SNTA1: variants seen among roughly 807,000 people sequenced by gnomAD.
SNTA1 encodes alpha-1-syntrophin.
In SNTA1, 31 loss-of-function variants were observed where a neutral mutation model predicts 47.1. That is an observed-to-expected ratio of 0.66 (90% confidence interval 0.49 to 0.89). The LOEUF is 0.89. SNTA1 is among the 40% of genes least tolerant of loss of function. The pLI is 0.00. For missense variants in SNTA1, 575 were observed against 693.0 expected (o/e 0.83, Z 1.91); for synonymous variants, 300 against 313.6 (o/e 0.96, Z 0.46).
intron 3 of SNTA1, among the ~76,000 whole-genome samples, chr20:33,415,193 G>T (rs373403203): frequency 6.6e-6 from 1 of 152,138 alleles, no homozygotes; most frequent in African/African-American, 2.4e-5. Flanking sequence ...ACTCATACAT[G>T]CAAATGCTCT....
In SNTA1 at chr20:33,443,670, C is replaced by T. The variant is rs1245139819; in HGVS notation, c.-50G>A. On this transcript the variant is annotated 5_prime_UTR_variant, in exon 1 of 8. Transcript: ENST00000217381. Reference sequence around the variant, plus strand: ...CCGCGCTCGCCCTGTCCCGCTTTGCCCAGCCCGCTCCGACCAAGCGCCCAG... The same window carrying T: ...CCGCGCTCGCCCTGTCCCGCTTTGCTCAGCCCGCTCCGACCAAGCGCCCAG... 5 of 1,113,674 alleles carry T rather than the reference C, an allele frequency of 4.5e-6. No individual in the cohort carries two copies. The highest frequency in any genetic ancestry group is 5.5e-6 in the Non-Finnish European group (5 of 904,290). 69.0% of individuals were successfully genotyped at this position (1,113,674 alleles called of 1,614,324 possible).
chr20:33,430,358 A>T (rs1990275316), intron 2 of SNTA1, among the ~76,000 whole-genome samples: 1 of 136,816 alleles, frequency 7.3e-6, no homozygotes, highest in Non-Finnish European at 1.5e-5. Flanking sequence ...GCGTGATCTC[A>T]GCTCACTGCA....
chr20:33,438,993 G>T lies in SNTA1; in HGVS notation c.344C>A (p.Ser115Tyr), dbSNP rs1359697782. 1.9e-6 allele frequency: 3 copies of T among 1,614,082 alleles called. No individual in the cohort carries two copies. In the Admixed American group the frequency reaches 5.0e-5, roughly 27 times the overall value. ...GRENKMPILI[S>Y]KIFKGLAADQ... ...AGCTGCCAATCCCTTGAAGATCTTG[G>T]AAATGAGAATAGGCATCTTGTTCTC... Residue 115 changes from serine to tyrosine, a missense_variant, in exon 2 of 8, where the codon TCC becomes TAC. Physicochemically the swap from Ser to Tyr is moderately radical, Grantham distance 144. Coordinates refer to ENST00000217381, the MANE Select transcript of SNTA1 (RefSeq NM_003098.3).
chr20:33,434,982 CTTTTTTTTTTT>C (rs11475592), intron 2 of SNTA1, among the ~76,000 whole-genome samples: 2 of 55,186 alleles, frequency 3.6e-5, no homozygotes, highest in East Asian at 5.8e-4. Flanking sequence ...CAGGCACCAG[CTTTTTTTTTTT>C]TTTTTTTTTT....
At chr20:33,411,945 G>A (rs1989749033) in intron 5 of SNTA1, among the ~76,000 whole-genome samples, 1 of 152,140 alleles carries the variant, frequency 6.6e-6, no homozygotes, top group Non-Finnish European at 1.5e-5. Context: ...AGAGTTAAGT[G>A]GCTCCTACAA....
rs758862568 is a variant in SNTA1, at chr20:33,417,777, T to G, written c.643A>C (p.Met215Leu). 2 of 1,614,088 alleles carry G rather than the reference T, an allele frequency of 1.2e-6. No individual in the cohort carries two copies. The highest frequency in any genetic ancestry group is 8.5e-7 in the Non-Finnish European group (1 of 1,180,012). ...TPRNFSEAKH[M>L]SLKMAYVSKR... The stretch of plus-strand genomic sequence containing the variant: ...GAGACATATGCCATCTTCAAGGACA[T>G]GTGTTTGGCCTCGCTGAAGTTCCGG... Residue 215 changes from methionine to leucine, a missense_variant, in exon 3 of 8, where the codon ATG becomes CTG. Transcript: ENST00000217381.
intron 2 of SNTA1, among the ~76,000 whole-genome samples, chr20:33,431,772 AG>A (rs1474898038): frequency 6.6e-6 from 1 of 152,152 alleles, no homozygotes; most frequent in Non-Finnish European, 1.5e-5. Flanking sequence ...AGCATAGGGA[AG>A]GGACTTAGCA....
chr20:33,427,054 C>A (rs1253385350), intron 2 of SNTA1, among the ~76,000 whole-genome samples: 2 of 145,822 alleles, frequency 1.4e-5, no homozygotes, highest in Non-Finnish European at 3.0e-5. Flanking sequence ...CAGAGAGAAA[C>A]CCTGTCTCAA....
At chr20:33,416,697 T>C (rs1989884843) in intron 3 of SNTA1, among the ~76,000 whole-genome samples, 1 of 151,976 alleles carries the variant, frequency 6.6e-6, no homozygotes, top group East Asian at 1.9e-4. Flanking sequence ...TCCCAGCACT[T>C]TGGGAGGCTG....
Position 33,417,846 on chromosome 20 carries a change from C to A in SNTA1, c.574G>T (p.Ala192Ser). ...GTSVGWDSPP[A>S]SPLQRQPSSP... ...GAAGGCTGCCGCTGAAGGGGTGAGGCAGGAGGTGAGTCCCAGCCGACCGAG... is the reference window on the plus strand; with the variant it reads ...GAAGGCTGCCGCTGAAGGGGTGAGGAAGGAGGTGAGTCCCAGCCGACCGAG... Residue 192 changes from alanine to serine, a missense_variant, in exon 3 of 8, where the codon GCC (alanine) becomes TCC (serine). Physicochemically the swap from Ala to Ser is moderately conservative, Grantham distance 99. Transcript: ENST00000217381. 4.3e-6 allele frequency: 7 copies of A among 1,614,040 alleles called. No individual in the cohort carries two copies. The highest frequency in any genetic ancestry group is 5.9e-6 in the Non-Finnish European group (7 of 1,179,958).
At chr20:33,428,310 G>A (rs1038178338) in intron 2 of SNTA1, among the ~76,000 whole-genome samples, 40 of 152,098 alleles carry the variant, frequency 2.6e-4, no homozygotes, top group African/African-American at 9.2e-4. Context: ...TCAGGAGGCT[G>A]AGATGGGAGG....
intron 2 of SNTA1, among the ~76,000 whole-genome samples, chr20:33,436,837 G>A (rs905851034): frequency 5.3e-5 from 8 of 150,832 alleles, no homozygotes; most frequent in Non-Finnish European, 8.8e-5. Context: ...GTGGTAGTGC[G>A]CACCTGTAGT....
intron 2 of SNTA1, among the ~76,000 whole-genome samples, chr20:33,428,631 G>A (rs1419810805): frequency 6.6e-6 from 1 of 151,626 alleles, no homozygotes; most frequent in Non-Finnish European, 1.5e-5. Flanking sequence ...TTAGAGTACA[G>A]TGGCATAATC....
chr20:33,422,821 G>C (rs1424693011), intron 2 of SNTA1, among the ~76,000 whole-genome samples: 1 of 152,114 alleles, frequency 6.6e-6, no homozygotes, highest in East Asian at 1.9e-4. Flanking sequence ...TGAATGCCAG[G>C]GCAGGACAGG....
intron 1 of SNTA1, 86 bp from the exon 2 acceptor site, chr20:33,439,112 T>C (rs761567129): frequency 4.1e-6 from 5 of 1,223,414 alleles, no homozygotes; most frequent in Non-Finnish European, 6.0e-6. Context: ...TTCTGAAGGC[T>C]TCCCTTGGTG....
At position 33,443,588 on chromosome 20, in the gene SNTA1, C is replaced by T. The variant is rs1199111230; in HGVS notation, c.33G>A (p.Gly11=). The part of the protein sequence containing the change: MASGRRAPRT[G]LLELRAGAGS... The stretch of plus-strand genomic sequence containing the variant: ...CCGCCCCGGCGCGCAGCTCCAGCAG[C>T]CCGGTGCGCGGGGCGCGCCTGCCGG... Residue 11 remains glycine (G), a synonymous_variant, in exon 1 of 8, where the codon GGG becomes GGA. Coordinates refer to ENST00000217381, the MANE Select transcript of SNTA1 (RefSeq NM_003098.3). The T allele has an allele frequency of 3.9e-6, 5 of 1,266,434 alleles. No individual in the cohort carries two copies. The South Asian group carries it at 9.1e-5, about 23-fold the overall frequency. 78.4% of individuals were successfully genotyped at this position (1,266,434 alleles called of 1,614,324 possible). A position where few individuals can be genotyped will look rare whatever the true frequency, so the allele number is the denominator to read the frequency against.
chr20:33,441,626 C>T (rs1257297531), intron 1 of SNTA1, among the ~76,000 whole-genome samples: 1 of 152,090 alleles, frequency 6.6e-6, no homozygotes, highest in Non-Finnish European at 1.5e-5. Flanking sequence ...TCAGACTAAG[C>T]TAGACTTTAT....
At chr20:33,440,325 G>A (rs558044613) in intron 1 of SNTA1, among the ~76,000 whole-genome samples, 10 of 151,866 alleles carry the variant, frequency 6.6e-5, no homozygotes, top group East Asian at 1.9e-4. Context: ...GCATGGGGGC[G>A]CATGCCTGTA....
intron 2 of SNTA1, among the ~76,000 whole-genome samples, chr20:33,423,295 G>T (rs1279944101): frequency 1.3e-5 from 2 of 152,160 alleles, no homozygotes; most frequent in Non-Finnish European, 2.9e-5. Context: ...GGGGGCCCCG[G>T]AGTGTGGCCA....
Sources: gnomAD v4.1 joint callset for allele counts (sites outside exome capture counted in the v4.1 genomes callset) on GRCh38, gnomAD v4.1.1 for gene constraint, MANE v1.5 for transcripts, NCBI Gene and HGNC (gene_info 2026-07-23, HGNC 2026-07-21) for gene names.